The following NCKAP5 variants were observed in gnomAD, a reference collection of about 807,000 sequenced individuals.
NCKAP5 encodes the protein nck-associated protein 5.
A neutral mutation model predicts 167.0 loss-of-function variants in NCKAP5; 92 were observed. The ratio of observed to expected loss-of-function variants is 0.55; its 90% CI spans 0.47 to 0.66. NCKAP5 has a LOEUF of 0.66. Among genes scored for constraint, NCKAP5 ranks in the 30% least tolerant of loss-of-function variants. The probability of loss-of-function intolerance (pLI) is 0.00; values close to 1 mark genes in which losing one functional copy is unlikely to be tolerated. For missense variants in NCKAP5, 2,378 were observed against 2,315.0 expected, an observed-to-expected ratio of 1.03 and a Z score of -0.56; for synonymous variants, 891 against 877.4, an observed-to-expected ratio of 1.02 and a Z score of -0.27.
At chr2:133,478,807 T>C (rs188613606) in intron 3 of NCKAP5, among the ~76,000 whole-genome samples, 205 of 152,106 alleles carry the variant, frequency 1.3e-3, no homozygotes, top group African/African-American at 4.7e-3. Flanking sequence ...ACTAGAAATG[T>C]GTAAAGAATA....
chr2:133,357,873 C>G (rs1312706067), intron 3 of NCKAP5, among the ~76,000 whole-genome samples: 1 of 152,192 alleles, frequency 6.6e-6, no homozygotes, highest in Non-Finnish European at 1.5e-5. Context: ...TTCCTTTCTA[C>G]AGATAGAATT....
chr2:133,244,945 A>G (rs2087901742), intron 4 of NCKAP5, among the ~76,000 whole-genome samples: 1 of 152,230 alleles, frequency 6.6e-6, no homozygotes, highest in Non-Finnish European at 1.5e-5. Context: ...ACTAAGCATA[A>G]AGGACTTTAT....
At chr2:133,068,738 G>A (rs760469072) in intron 6 of NCKAP5, among the ~76,000 whole-genome samples, 3 of 152,154 alleles carry the variant, frequency 2.0e-5, no homozygotes, top group South Asian at 2.1e-4. Flanking sequence ...CATAACTTAC[G>A]GTTGGCTGAC....
intron 2 of NCKAP5, chr2:133,556,803 G>A (rs978497382): frequency 6.6e-6 from 1 of 152,198 alleles, no homozygotes; most frequent in Non-Finnish European, 1.5e-5. Flanking sequence ...TTTGGGTATG[G>A]AGAGATGGAG....
the NCKAP5 span, among the ~76,000 whole-genome samples, chr2:133,634,875 T>C: frequency 5.9e-5 from 7 of 118,190 alleles, no homozygotes; most frequent in South Asian, 2.5e-4. Flanking sequence ...CTTTTCTTTC[T>C]TTTTTTTTTT....
chr2:133,273,752 C>T (rs553151140), intron 4 of NCKAP5, among the ~76,000 whole-genome samples: 6 of 151,306 alleles, frequency 4.0e-5, no homozygotes, highest in Non-Finnish European at 5.9e-5. Context: ...AAGATTTATC[C>T]TGCAATGTAA....
At chr2:132,913,203 T>C (rs1694592843) in intron 8 of NCKAP5, among the ~76,000 whole-genome samples, 1 of 152,058 alleles carries the variant, frequency 6.6e-6, no homozygotes, top group Admixed American at 6.5e-5. Context: ...AGTTCCTACA[T>C]AACACAGTCA....
intron 6 of NCKAP5, among the ~76,000 whole-genome samples, chr2:133,065,168 C>A (rs562866981): frequency 6.6e-6 from 1 of 151,872 alleles, no homozygotes; most frequent in Admixed American, 6.6e-5. Context: ...CACAGCCTGA[C>A]AACAGCCATA....
chr2:133,028,967 C>G (rs1200341364), intron 6 of NCKAP5, among the ~76,000 whole-genome samples: 3 of 152,182 alleles, frequency 2.0e-5, no homozygotes, highest in African/African-American at 4.8e-5. Context: ...GCCTGCTCCC[C>G]CTTTGCCTTC....
At chr2:133,191,928 C>T (rs1347398802) in intron 5 of NCKAP5, among the ~76,000 whole-genome samples, 1 of 151,660 alleles carries the variant, frequency 6.6e-6, no homozygotes, top group Non-Finnish European at 1.5e-5. Context: ...AAAAAAAATT[C>T]CAGTGAGATA....
At chr2:133,573,565 C>T in the NCKAP5 span, among the ~76,000 whole-genome samples, 6 of 152,100 alleles carry the variant, frequency 3.9e-5, no homozygotes, top group African/African-American at 1.4e-4. Context: ...GGTTCTAGGC[C>T]CAGCCCAGGG....
chr2:133,619,489 C>T, the NCKAP5 span, among the ~76,000 whole-genome samples: 44 of 151,626 alleles, frequency 2.9e-4, no homozygotes, highest in Admixed American at 2.6e-3. Context: ...GAAGAAAGAA[C>T]TTCAGAGCTT....
intron 1 of NCKAP5, among the ~76,000 whole-genome samples, chr2:133,566,520 C>T (rs1688565596): frequency 1.3e-5 from 2 of 152,172 alleles, no homozygotes; most frequent in South Asian, 2.1e-4. Flanking sequence ...AAAGACAAAA[C>T]GGGAATGTTC....
intron 6 of NCKAP5, among the ~76,000 whole-genome samples, chr2:133,047,358 G>T (rs1266917782): frequency 6.6e-6 from 1 of 152,158 alleles, no homozygotes; most frequent in African/African-American, 2.4e-5. Context: ...TTCCTTGTGA[G>T]CTTTGAATAG....
intron 6 of NCKAP5, among the ~76,000 whole-genome samples, chr2:133,051,032 T>C (rs542339605): frequency 6.6e-6 from 1 of 152,364 alleles, no homozygotes; most frequent in South Asian, 2.1e-4. Context: ...TTTAATACTC[T>C]GAAGGTAAAG....
At chr2:133,496,854 C>A (rs768662498) in intron 3 of NCKAP5, among the ~76,000 whole-genome samples, 1 of 152,096 alleles carries the variant, frequency 6.6e-6, no homozygotes, top group Non-Finnish European at 1.5e-5. Context: ...TTAAAAAAAA[C>A]TTCCCAAGTA....
At chr2:133,531,066 C>A (rs1475924683) in intron 2 of NCKAP5, among the ~76,000 whole-genome samples, 1 of 151,504 alleles carries the variant, frequency 6.6e-6, no homozygotes, top group Non-Finnish European at 1.5e-5. Flanking sequence ...TTTTGGGCAG[C>A]AACAGATAAT....
chr2:133,010,019 C>T (rs928097368), intron 6 of NCKAP5, among the ~76,000 whole-genome samples: 6 of 150,500 alleles, frequency 4.0e-5, no homozygotes, highest in South Asian at 2.1e-4. Context: ...TGCAGTGAGC[C>T]GAGATGGTGC....
intron 12 of NCKAP5, among the ~76,000 whole-genome samples, chr2:132,794,239 T>C (rs1574241800): frequency 1.9e-5 from 1 of 52,660 alleles, no homozygotes; most frequent in African/African-American, 6.9e-5. Context: ...TATATATATA[T>C]ATATATATAT....
Sources: allele counts gnomAD v4.1 joint callset (sites outside exome capture counted in the v4.1 genomes callset), GRCh38; gene constraint gnomAD v4.1.1; transcripts MANE v1.5; gene names NCBI Gene and HGNC (gene_info 2026-07-23, HGNC 2026-07-21).